Variants in SERGEF observed in about 807,000 individuals in gnomAD.
The protein encoded by SERGEF is secretion regulating guanine nucleotide exchange factor.
In SERGEF, 51 loss-of-function variants were observed where a neutral mutation model predicts 50.0. The observed-to-expected ratio is 1.02, with a 90% CI of 0.81 to 1.29. The LOEUF is 1.29. Ranked by LOEUF, SERGEF falls within the 50% of genes most tolerant of loss-of-function variation. The pLI is 0.00. For missense variants in SERGEF, 521 were observed against 557.0 expected (o/e 0.94, Z 0.65); for synonymous variants, 205 against 212.4 (o/e 0.97, Z 0.30).
intron 10 of SERGEF, among the ~76,000 whole-genome samples, chr11:17,795,908 G>C (rs181286039): frequency 6.0e-4 from 92 of 152,292 alleles, no homozygotes; most frequent in African/African-American, 2.1e-3. Flanking sequence ...GCAAAAGACT[G>C]GGGGGCTTCA....
intron 10 of SERGEF, among the ~76,000 whole-genome samples, chr11:17,837,714 A>C (rs1417630118): frequency 6.8e-6 from 1 of 146,616 alleles, no homozygotes; most frequent in Non-Finnish European, 1.5e-5. Context: ...GCTGGAGTAC[A>C]GTGTGGCACT....
chr11:17,812,491 C>G (rs558747731), intron 10 of SERGEF, among the ~76,000 whole-genome samples: 1 of 152,222 alleles, frequency 6.6e-6, no homozygotes, highest in Non-Finnish European at 1.5e-5. Context: ...CTGCAGCAAA[C>G]AGGCTGTCTG....
chr11:17,791,622 A>C (rs988428393), intron 10 of SERGEF, among the ~76,000 whole-genome samples: 2 of 152,240 alleles, frequency 1.3e-5, no homozygotes, highest in Admixed American at 6.5e-5. Flanking sequence ...AAGAGTTTAG[A>C]ACTCAGGCCC....
intron 6 of SERGEF, among the ~76,000 whole-genome samples, chr11:17,993,562 T>C (rs938849379): frequency 2.0e-5 from 3 of 152,362 alleles, no homozygotes; most frequent in Admixed American, 6.5e-5. Context: ...TCAGCACTTT[T>C]CCTTCCTTAA....
chr11:17,962,851 T>C (rs964300346), intron 8 of SERGEF, among the ~76,000 whole-genome samples: 12 of 152,012 alleles, frequency 7.9e-5, no homozygotes, highest in African/African-American at 2.4e-4. Flanking sequence ...AGGGAGGATA[T>C]TGCAGGAGCA....
rs765679795 is a variant in SERGEF at position 17,788,305 on chromosome 11, C to T, written c.1157G>A (p.Gly386Glu). The T allele has an allele frequency of 6.2e-7, 1 of 1,614,240 alleles. No individual in the cohort carries two copies. The highest frequency in any genetic ancestry group is 8.5e-7 in the Non-Finnish European group (1 of 1,180,052). The change falls in exon 11 of 11, where the codon GGA becomes GAA. Residue 386 changes from glycine (G) to glutamate (E), a missense_variant. Transcript: ENST00000265965. ...KPVQALLSSSGLLVGCGAGHS... is the reference protein window; with the variant it reads ...KPVQALLSSSELLVGCGAGHS... ...GCCAGCCCCACAGCCCACAAGGAGT[C>T]CTGACGATGACAGCAGAGCCTGCAC...
intron 8 of SERGEF, among the ~76,000 whole-genome samples, chr11:17,982,839 T>TA (rs1428600783): frequency 6.6e-6 from 1 of 152,058 alleles, no homozygotes; most frequent in African/African-American, 2.4e-5. Flanking sequence ...AAACAAATAA[T>TA]AAAAAACCTC....
chr11:18,005,047 G>A (rs557371207), intron 3 of SERGEF, among the ~76,000 whole-genome samples: 38 of 152,316 alleles, frequency 2.5e-4, no homozygotes, highest in African/African-American at 8.7e-4. Flanking sequence ...TTGGGGGTAA[G>A]TTTGGACCAG....
At chr11:17,859,652 A>G (rs571821032) in intron 10 of SERGEF, among the ~76,000 whole-genome samples, 1 of 152,320 alleles carries the variant, frequency 6.6e-6, no homozygotes, top group Admixed American at 6.5e-5. Context: ...ATTTCAAAAC[A>G]CTGAAGTAAA....
intron 10 of SERGEF, among the ~76,000 whole-genome samples, chr11:17,794,507 T>C (rs1274026191): frequency 1.3e-5 from 2 of 152,234 alleles, no homozygotes; most frequent in African/African-American, 4.8e-5. Flanking sequence ...GCTATTCTAG[T>C]CAGGACTAGA....
At chr11:18,006,882 T>C (rs1854085670) in intron 2 of SERGEF, 136 bp from the exon 3 acceptor site, 1 of 955,076 alleles carries the variant, frequency 1.0e-6, no homozygotes, top group East Asian at 2.5e-5. Context: ...AAGCTGTGTA[T>C]GTTCATGTAT....
intron 8 of SERGEF, among the ~76,000 whole-genome samples, chr11:17,964,520 C>T (rs1033583488): frequency 1.4e-4 from 21 of 151,968 alleles, no homozygotes; most frequent in Admixed American, 3.3e-4. Context: ...CAGTATCTGT[C>T]CAAAAAGGGA....
At chr11:17,959,069 A>G (rs1432265776) in intron 9 of SERGEF, among the ~76,000 whole-genome samples, 2 of 152,038 alleles carry the variant, frequency 1.3e-5, no homozygotes, top group African/African-American at 2.4e-5. Context: ...GGGTTTCACC[A>G]TGTTAGCCAG....
intron 9 of SERGEF, among the ~76,000 whole-genome samples, chr11:17,919,701 C>T (rs986824075): frequency 3.9e-5 from 6 of 152,182 alleles, no homozygotes; most frequent in African/African-American, 9.7e-5. Context: ...AGCTTCCTTG[C>T]TATTTCCTGA....
intron 1 of SERGEF, among the ~76,000 whole-genome samples, chr11:18,011,738 G>A (rs966723641): frequency 2.0e-5 from 3 of 152,068 alleles, no homozygotes; most frequent in African/African-American, 4.8e-5. Context: ...TGTTTCCTCT[G>A]TCCACACAGA....
At chr11:17,972,098 G>C (rs1853259468) in intron 8 of SERGEF, among the ~76,000 whole-genome samples, 1 of 152,204 alleles carries the variant, frequency 6.6e-6, no homozygotes, top group Non-Finnish European at 1.5e-5. Context: ...GCTTCTTATG[G>C]ATGGCAAAGA....
At chr11:17,909,580 C>T (rs1284156324) in intron 9 of SERGEF, among the ~76,000 whole-genome samples, 2 of 152,190 alleles carry the variant, frequency 1.3e-5, no homozygotes, top group Non-Finnish European at 2.9e-5. Context: ...GTGTAACTAT[C>T]AGAATATAGA....
intron 9 of SERGEF, among the ~76,000 whole-genome samples, chr11:17,958,857 GT>G (rs554149824): frequency 1.3e-5 from 2 of 151,500 alleles, no homozygotes; most frequent in African/African-American, 2.4e-5. Context: ...TTTTTTTGTT[GT>G]TTTTTTTGTT....
In SERGEF at chr11:17,949,446, C is replaced by A. The variant is rs370159424; in HGVS notation, c.1011+10024G>T. On this transcript the variant is annotated intron_variant, in intron 9 of 10. Transcript: ENST00000265965. ...GCAACCCTTGGAATCAAGCAGATGG[C>A]CTTATATAGGGGAATGAGCCACTCA... 7.2e-5 allele frequency among the ~76,000 whole-genome samples: 11 copies of A among 151,850 alleles called. No homozygotes were observed. The East Asian group carries it at 2.1e-3, about 30-fold the overall frequency.
Sources: allele counts gnomAD v4.1 joint callset (sites outside exome capture counted in the v4.1 genomes callset), GRCh38; gene constraint gnomAD v4.1.1; transcripts MANE v1.5; gene names NCBI Gene and HGNC (gene_info 2026-07-23, HGNC 2026-07-21).